The following CTIF variants were observed in gnomAD, a reference collection of about 807,000 sequenced individuals.
The protein encoded by CTIF is cap binding complex dependent translation initiation factor.
CTIF carries 21 observed loss-of-function variants against 66.0 expected under a neutral mutation model. The observed-to-expected ratio is 0.32, with a 90% CI of 0.23 to 0.46. The LOEUF is 0.46. Among genes scored for constraint, CTIF ranks in the 20% least tolerant of loss-of-function variants. CTIF has a pLI of 1.00. For missense variants in CTIF, 739 were observed against 812.7 expected, an observed-to-expected ratio of 0.91 and a Z score of 1.10; for synonymous variants, 345 against 326.4, an observed-to-expected ratio of 1.06 and a Z score of -0.62.
intron 9 of CTIF, among the ~76,000 whole-genome samples, chr18:48,807,233 C>G (rs1402091081): frequency 6.6e-6 from 1 of 152,200 alleles, no homozygotes; most frequent in Non-Finnish European, 1.5e-5. Context: ...TCACTGCTGA[C>G]TGGCAGATTA....
chr18:48,765,697 T>C lies in CTIF; in HGVS notation c.1371+4008T>C, dbSNP rs1599002280. Among the ~76,000 whole-genome samples, 6 of 152,246 alleles carry C rather than the reference T, an allele frequency of 3.9e-5. No homozygotes were observed. The South Asian group carries it at 1.2e-3, about 32-fold the overall frequency. ...GTCCTTTAACCCTTCCCAGCCAGAC[T>C]CAACACTGCTATCTCAAGGAACCCA... On this transcript the variant is annotated intron_variant, in intron 9 of 11. Transcript: ENST00000256413.
chr18:48,700,254 T>A (rs1459774724), intron 6 of CTIF, among the ~76,000 whole-genome samples: 1 of 152,246 alleles, frequency 6.6e-6, no homozygotes, highest in Non-Finnish European at 1.5e-5. Flanking sequence ...ACTTTGTTCG[T>A]CCTTTGCCTT....
At chr18:48,630,729 G>A (rs930083108) in intron 2 of CTIF, among the ~76,000 whole-genome samples, 4 of 151,450 alleles carry the variant, frequency 2.6e-5, no homozygotes, top group African/African-American at 9.7e-5. Flanking sequence ...AGGCTGGAGT[G>A]CGGTGGCGCG....
chr18:48,717,942 A>G (rs1024640263), intron 7 of CTIF, among the ~76,000 whole-genome samples: 3 of 151,966 alleles, frequency 2.0e-5, no homozygotes, highest in East Asian at 1.9e-4. Context: ...GAGTCTTGCT[A>G]TGTTGCCCAG....
chr18:48,590,279 G>A (rs528189118), intron 1 of CTIF, among the ~76,000 whole-genome samples: 28 of 152,290 alleles, frequency 1.8e-4, no homozygotes, highest in African/African-American at 5.1e-4. Flanking sequence ...ACACTGGCCC[G>A]GAGCCAGAGC....
At chr18:48,613,858 G>A (rs11660334) in intron 1 of CTIF, among the ~76,000 whole-genome samples, 8,956 of 152,180 alleles carry the variant, frequency 0.059, 287 homozygotes, top group South Asian at 0.12. Context: ...TGCCCACACC[G>A]GCCCTCCCCT....
At chr18:48,706,435 G>A (rs998829914) in intron 6 of CTIF, among the ~76,000 whole-genome samples, 16 of 152,074 alleles carry the variant, frequency 1.1e-4, no homozygotes, top group African/African-American at 1.9e-4. Flanking sequence ...AGAGCCACCC[G>A]GCACAATGCT....
At chr18:48,788,342 C>CG (rs1421692633) in intron 9 of CTIF, among the ~76,000 whole-genome samples, 1 of 152,178 alleles carries the variant, frequency 6.6e-6, no homozygotes, top group African/African-American at 2.4e-5. Flanking sequence ...GAGGGGCAGA[C>CG]ACCAACATTT....
At chr18:48,771,854 C>T (rs1910161745) in intron 9 of CTIF, among the ~76,000 whole-genome samples, 1 of 152,218 alleles carries the variant, frequency 6.6e-6, no homozygotes. Flanking sequence ...CTAAGCGGCT[C>T]CAGATCGCAG....
At chr18:48,837,580 C>G (rs2068840743) in intron 10 of CTIF, among the ~76,000 whole-genome samples, 1 of 152,132 alleles carries the variant, frequency 6.6e-6, no homozygotes, top group African/African-American at 2.4e-5. Flanking sequence ...AGAAGAGGGT[C>G]TCAGTCATTT....
intron 7 of CTIF, among the ~76,000 whole-genome samples, chr18:48,730,617 G>C (rs1222753013): frequency 9.7e-6 from 1 of 102,692 alleles, no homozygotes; most frequent in Admixed American, 9.8e-5. Flanking sequence ...TGTGTGAGGG[G>C]CTCCTGCGGT....
At chr18:48,600,639 G>A (rs1386821106) in intron 1 of CTIF, among the ~76,000 whole-genome samples, 1 of 151,978 alleles carries the variant, frequency 6.6e-6, no homozygotes, top group African/African-American at 2.4e-5. Flanking sequence ...TGGGTGAGCT[G>A]AAGGGATATT....
At chr18:48,821,272 C>T (rs555763239) in intron 10 of CTIF, among the ~76,000 whole-genome samples, 189 of 152,352 alleles carry the variant, frequency 1.2e-3, no homozygotes, top group African/African-American at 4.1e-3. Flanking sequence ...TGTTCAGTAA[C>T]GGTAGCAGCA....
chr18:48,701,550 A>C (rs902718994), intron 6 of CTIF, among the ~76,000 whole-genome samples: 2 of 82,630 alleles, frequency 2.4e-5, no homozygotes, highest in African/African-American at 1.5e-4. Context: ...CCCAGTGCAC[A>C]CAGTGCACTC....
At chr18:48,540,531 C>T (rs2088584359) in intron 1 of CTIF, among the ~76,000 whole-genome samples, 1 of 150,550 alleles carries the variant, frequency 6.6e-6, no homozygotes, top group Non-Finnish European at 1.5e-5. Flanking sequence ...GGGGGTGGTC[C>T]GAGCCCGTTA....
rs1318547125 is a variant in CTIF, at chr18:48,859,335, T to C, written c.1582-9T>C. The C allele has an allele frequency of 1.2e-6, 2 of 1,613,202 alleles. No homozygotes were observed. The highest frequency in any genetic ancestry group is 2.7e-5 in the African/African-American group (2 of 74,898). On this transcript the variant is annotated splice_polypyrimidine_tract_variant and intron_variant, in intron 11 of 11. Coordinates refer to ENST00000256413, the MANE Select transcript of CTIF (RefSeq NM_014772.3). ...CGAGGCCATCCTAACCCCACATCTC[T>C]GTCTGCAGCTGCAGAGTACAGGCCG...
intron 9 of CTIF, among the ~76,000 whole-genome samples, chr18:48,797,340 G>C (rs2067943472): frequency 6.6e-6 from 1 of 152,090 alleles, no homozygotes; most frequent in Admixed American, 6.5e-5. Context: ...AAAATTAGCT[G>C]GGGGTGGTGG....
At chr18:48,677,105 G>T (rs2091643691) in intron 6 of CTIF, among the ~76,000 whole-genome samples, 1 of 152,150 alleles carries the variant, frequency 6.6e-6, no homozygotes, top group Non-Finnish European at 1.5e-5. Context: ...GTTCCCTAGG[G>T]CTGTGTTAGC....
chr18:48,632,013 C>T (rs534656566), intron 2 of CTIF, among the ~76,000 whole-genome samples: 5 of 152,060 alleles, frequency 3.3e-5, no homozygotes, highest in Admixed American at 6.5e-5. Context: ...ATTTTCTAGG[C>T]GGTGTCTCAG....
Sources: allele counts gnomAD v4.1 joint callset (sites outside exome capture counted in the v4.1 genomes callset), GRCh38; gene constraint gnomAD v4.1.1; transcripts MANE v1.5; gene names NCBI Gene and HGNC (gene_info 2026-07-23, HGNC 2026-07-21).